The following TREM1 variants were observed in gnomAD, a reference collection of about 807,000 sequenced individuals.
TREM1 encodes triggering receptor expressed on monocytes 1.
A neutral mutation model predicts 22.4 loss-of-function variants in TREM1; 16 were observed. The observed-to-expected ratio is 0.71, with a 90% confidence interval of 0.48 to 1.08. The LOEUF is 1.08. Among genes scored for constraint, TREM1 ranks in the 50% least tolerant of loss-of-function variants. TREM1 has a pLI of 0.00. For synonymous variants in TREM1, 110 were observed against 111.6 expected (o/e 0.99, Z 0.09); for missense variants, 283 against 282.9 (o/e 1.00, Z 0.00).
At chr6:41,271,648 T>G (rs763857185), downstream of TREM1, among the ~76,000 whole-genome samples, 14 of 152,188 alleles carry the variant, frequency 9.2e-5, 1 homozygote, top group Non-Finnish European at 2.9e-5. Context: ...GGGGGATTGC[T>G]CTGCTGAATC....
chr6:41,279,495 T>C, intron 3 of TREM1: 1 of 978,964 alleles, frequency 1.0e-6, no homozygotes. Context: ...AACTTATGTA[T>C]TGCAAAATGA....
At chr6:41,286,056 C>T (rs1245707311) in intron 1 of TREM1, among the ~76,000 whole-genome samples, 3 of 152,168 alleles carry the variant, frequency 2.0e-5, no homozygotes, top group Non-Finnish European at 2.9e-5. Flanking sequence ...GGGCATGCGC[C>T]GGCTCTGCTG....
At chr6:41,285,395 A>G (rs1300369681) in intron 1 of TREM1, among the ~76,000 whole-genome samples, 3 of 152,232 alleles carry the variant, frequency 2.0e-5, no homozygotes, top group Non-Finnish European at 2.9e-5. Flanking sequence ...CATTTTATAG[A>G]TAAGGAAACT....
chr6:41,284,499 G>A (rs1768073057), intron 1 of TREM1, among the ~76,000 whole-genome samples: 2 of 152,178 alleles, frequency 1.3e-5, no homozygotes, highest in Admixed American at 6.5e-5. Context: ...CAAGGTCCGT[G>A]TTTTCAGCTG....
chr6:41,280,181 G>T (rs774419806), intron 3 of TREM1: 51 of 955,080 alleles, frequency 5.3e-5, no homozygotes, highest in Non-Finnish European at 6.4e-5. Flanking sequence ...AGACATGTTA[G>T]ACTAGTGGTG....
In TREM1 at chr6:41,281,379, G is replaced by A. The variant is rs538163486; in HGVS notation, c.407-226C>T. On this transcript the variant is annotated intron_variant, in intron 2 of 3. Transcript: ENST00000244709. The stretch of plus-strand genomic sequence containing the variant: ...GTGGAGTCAACCTGAGTCAGAAATC[G>A]AAAAAAGGAAAGAAGAAAAAAAGGG... The A allele has an allele frequency of 4.1e-5, 21 of 513,698 alleles. 1 individual carries two copies. Among genetic ancestry groups the A allele is most frequent in the South Asian group, 3.2e-4 (10 of 31,142 alleles). The allele number at this position is 513,698 out of a possible 1,614,324, so 31.8% of individuals were successfully genotyped here. A position where few individuals can be genotyped will look rare whatever the true frequency, so the allele number is the denominator to read the frequency against.
chr6:41,280,649 C>G, intron 3 of TREM1: 1 of 1,384,530 alleles, frequency 7.2e-7, no homozygotes, highest in Non-Finnish European at 9.3e-7. Context: ...TTTCCCACTG[C>G]CCATCAGGCC....
intron 2 of TREM1, chr6:41,281,530 C>A: frequency 4.3e-6 from 1 of 232,412 alleles, no homozygotes; most frequent in South Asian, 6.9e-5. Flanking sequence ...AAGAATAATT[C>A]CAGGCTTACT....
Position 41,282,637 on chromosome 6 carries a change from C to A in TREM1, c.164G>T (p.Trp55Leu). 6.2e-7 allele frequency: 1 copy of A among 1,614,212 alleles called. No individual in the cohort carries two copies. Among genetic ancestry groups the A allele is most frequent in the Non-Finnish European group, 8.5e-7 (1 of 1,180,034 alleles). ...LEKFASSQKAWQIIRDGEMPK... is the reference protein window; with the variant it reads ...LEKFASSQKALQIIRDGEMPK... ...CATCTCTCCGTCCCTTATTATCTGC[C>A]AAGCTTTCTGGCTGCTGGCAAACTT... The change falls in exon 2 of 4, where the codon TGG becomes TTG. Residue 55 changes from tryptophan to leucine, a missense_variant. Trp to Leu is a moderately conservative substitution (Grantham distance 61). Coordinates refer to ENST00000244709, the MANE Select transcript of TREM1 (RefSeq NM_018643.5).
At chr6:41,284,002 AAG>A (rs943006137) in intron 1 of TREM1, among the ~76,000 whole-genome samples, 4 of 152,032 alleles carry the variant, frequency 2.6e-5, no homozygotes, top group Non-Finnish European at 5.9e-5. Context: ...GAGAGAAAGA[AAG>A]AGAGAAAAAA....
chr6:41,277,907 C>CTT (rs11341322), intron 3 of TREM1, among the ~76,000 whole-genome samples: 2,439 of 111,286 alleles, frequency 0.022, 129 homozygotes, highest in African/African-American at 0.078. Flanking sequence ...TTCTTTTTGT[C>CTT]TTTTTTTTTT....
rs1767607176 is a variant in TREM1, at chr6:41,274,935, T to A, written c.*1190A>T. On this transcript the variant is annotated 3_prime_UTR_variant, in exon 4 of 4. Coordinates refer to ENST00000244709, the MANE Select transcript of TREM1 (RefSeq NM_018643.5). ...TGCCCTGGGCATCACTAAATTGGGC[T>A]GGAAGGACCCACCATCCTTTCCCCA... Among the ~76,000 whole-genome samples, 1 of 152,180 alleles carries A rather than the reference T, an allele frequency of 6.6e-6. No individual in the cohort carries two copies. Among genetic ancestry groups the A allele is most frequent in the Admixed American group, 6.5e-5 (1 of 15,276 alleles).
rs773081705 is a variant in TREM1, at chr6:41,276,179, C to T, written c.651G>A (p.Lys217=). The T allele has an allele frequency of 1.2e-6, 2 of 1,614,166 alleles. No individual in the cohort carries two copies. The highest frequency in any genetic ancestry group is 1.7e-6 in the Non-Finnish European group (2 of 1,180,034). The change falls in exon 4 of 4, where the codon AAG becomes AAA. Residue 217 remains lysine (K), a synonymous_variant. Coordinates refer to ENST00000244709, the MANE Select transcript of TREM1 (RefSeq NM_018643.5). ...CAAACAGGACAGAGAAGACCAGGCT[C>T]TTACTCAGGAATCCACCAGCCAGGA... ...VILLAGGFLS[K]SLVFSVLFAV...
At chr6:41,285,955 TAGG>T (rs1325375277) in intron 1 of TREM1, among the ~76,000 whole-genome samples, 1 of 152,168 alleles carries the variant, frequency 6.6e-6, no homozygotes, top group Non-Finnish European at 1.5e-5. Flanking sequence ...TCATAAGGAT[TAGG>T]AGGAGGAGTG....
intron 3 of TREM1, chr6:41,268,161 G>C (rs567490352): frequency 2.5e-6 from 1 of 398,024 alleles, no homozygotes; most frequent in East Asian, 3.6e-5. Flanking sequence ...GTTTCACTTG[G>C]CATCCTTTAT....
At chr6:41,276,322 C>A in intron 3 of TREM1, 92 bp from the exon 4 acceptor site, 1 of 880,802 alleles carries the variant, frequency 1.1e-6, no homozygotes, top group South Asian at 1.4e-5. Flanking sequence ...GTCCCACTCT[C>A]CTCTGCTTAG....
chr6:41,278,091 T>C (rs1415679562), intron 3 of TREM1, among the ~76,000 whole-genome samples: 2 of 139,406 alleles, frequency 1.4e-5, no homozygotes, highest in African/African-American at 5.0e-5. Context: ...CCTGCTAATT[T>C]TTTTATTATT....
chr6:41,270,446 A>AATATATATATATATATAT (rs68021402), downstream of TREM1, among the ~76,000 whole-genome samples: 188 of 143,900 alleles, frequency 1.3e-3, 1 homozygote, highest in African/African-American at 4.7e-3. Flanking sequence ...GATATTATAT[A>AATATATATATATATATAT]ATATATATAT....
intron 3 of TREM1, chr6:41,279,530 C>G (rs958487489): frequency 1.0e-6 from 1 of 985,102 alleles, no homozygotes; most frequent in Non-Finnish European, 1.2e-6. Flanking sequence ...AAAAAATTGA[C>G]TCTTAGTAGA....
Sources: allele counts gnomAD v4.1 joint callset (sites outside exome capture counted in the v4.1 genomes callset), GRCh38; gene constraint gnomAD v4.1.1; transcripts MANE v1.5; gene names NCBI Gene and HGNC (gene_info 2026-07-23, HGNC 2026-07-21).